The following CDC5L variants were observed in gnomAD, a reference collection of about 807,000 sequenced individuals.
The protein encoded by CDC5L is cell division cycle 5 like, also known as cell division cycle 5-like protein.
In CDC5L, 18 loss-of-function variants were observed where a neutral mutation model predicts 104.1. The observed-to-expected ratio is 0.17, with a 90% CI of 0.12 to 0.26. The LOEUF is 0.26. Among genes scored for constraint, CDC5L ranks in the 10% least tolerant of loss-of-function variants. CDC5L has a pLI of 1.00. For synonymous variants in CDC5L, 331 were observed against 322.7 expected (o/e 1.03, Z -0.28); for missense variants, 673 against 956.9 (o/e 0.70, Z 3.91).
intron 1 of CDC5L, among the ~76,000 whole-genome samples, chr6:44,388,555 G>A (rs9462985): frequency 0.74 from 109,701 of 148,924 alleles, 41,547 homozygotes; most frequent in Non-Finnish European, 0.87. Flanking sequence ...TAGAGTGGGA[G>A]TGAAATAGAA....
chr6:44,396,224 T>A, intron 4 of CDC5L, 117 bp from the exon 5 acceptor site: 1 of 578,942 alleles, frequency 1.7e-6, no homozygotes. Flanking sequence ...CACCATAAAA[T>A]CAGTATTTTT....
At chr6:44,387,939 T>A in intron 1 of CDC5L, 71 bp downstream of exon 1, 1 of 1,457,770 alleles carries the variant, frequency 6.9e-7, no homozygotes, top group Non-Finnish European at 9.3e-7. Context: ...CGCGCGGAGG[T>A]CGGGGGGGCG....
At chr6:44,406,147 C>T (rs1791355461) in intron 6 of CDC5L, among the ~76,000 whole-genome samples, 176 bp from the exon 7 acceptor site, 1 of 152,118 alleles carries the variant, frequency 6.6e-6, no homozygotes, top group South Asian at 2.1e-4. Context: ...GGTAATCCAC[C>T]CACCTTGGCC....
Position 44,408,389 on chromosome 6 carries a change from A to G in CDC5L, c.904-55A>G, listed in dbSNP as rs1279607260. ...AGTGTTGGGATTACAAGTGTGAGCC[A>G]CTGTGCCCGGCCTCAGTTAAAATGT... On this transcript the variant is annotated intron_variant, in intron 7 of 15. Coordinates refer to ENST00000371477, the MANE Select transcript of CDC5L (RefSeq NM_001253.4). 20 of 1,396,188 alleles carry G rather than the reference A, an allele frequency of 1.4e-5. No individual in the cohort carries two copies. In the East Asian group the frequency reaches 4.6e-4, roughly 32 times the overall value. The allele number at this position is 1,396,188 out of a possible 1,614,324, so 86.5% of individuals were successfully genotyped here.
At chr6:44,423,408 A>G (rs1204911071) in intron 10 of CDC5L, among the ~76,000 whole-genome samples, 4 of 152,228 alleles carry the variant, frequency 2.6e-5, no homozygotes, top group African/African-American at 9.6e-5. Context: ...CCTTTGTCCT[A>G]AGGAAATTTA....
At chr6:44,403,043 A>G (rs1008853787) in intron 5 of CDC5L, among the ~76,000 whole-genome samples, 1 of 152,232 alleles carries the variant, frequency 6.6e-6, no homozygotes, top group Non-Finnish European at 1.5e-5. Context: ...TGCTCAAAAA[A>G]TATGAAAATC....
At chr6:44,411,653 T>TGTGTGTGTGTGTGTGTGA (rs1176515142) in intron 8 of CDC5L, among the ~76,000 whole-genome samples, 2 of 136,120 alleles carry the variant, frequency 1.5e-5, no homozygotes, top group Non-Finnish European at 3.2e-5. Flanking sequence ...TGTGTGTGTG[T>TGTGTGTGTGTGTGTGTGA]GACTAAAAAT....
Position 44,422,665 on chromosome 6 carries a change from T to C in CDC5L, c.1260T>C (p.Ala420=), listed in dbSNP as rs772301171. Reference sequence around the variant, plus strand: ...TTTCTAGGACTCCTTCTAATGGAGCTGAAGGGCTGACTCCCCGGAGTGGAA... The same window carrying C: ...TTTCTAGGACTCCTTCTAATGGAGCCGAAGGGCTGACTCCCCGGAGTGGAA... The part of the protein sequence containing the change: ...STPFRTPSNG[A]EGLTPRSGTT... Residue 420 remains alanine, a synonymous_variant, in exon 10 of 16, where the codon GCT becomes GCC. Coordinates refer to ENST00000371477, the MANE Select transcript of CDC5L (RefSeq NM_001253.4). 2.5e-6 allele frequency: 4 copies of C among 1,610,286 alleles called. No homozygotes were observed. The highest frequency in any genetic ancestry group is 1.3e-5 in the African/African-American group (1 of 74,650).
At chr6:44,414,384 GTGT>G (rs1791810660) in intron 8 of CDC5L, among the ~76,000 whole-genome samples, 7 of 2,952 alleles carry the variant, frequency 2.4e-3, no homozygotes, top group Admixed American at 4.3e-3. Flanking sequence ...GGCCTGGCCT[GTGT>G]GTGTGTGTGT....
At position 44,422,781 on chromosome 6, in the gene CDC5L, A is replaced by G. The variant is rs11572006; in HGVS notation, c.1376A>G (p.Tyr459Cys). ...AATCCCGAGGATGGAATGGCAGACTATAGTGATCCCTCTTACGTGAAGCAG... is the reference window on the plus strand; with the variant it reads ...AATCCCGAGGATGGAATGGCAGACTGTAGTGATCCCTCTTACGTGAAGCAG... ...NINPEDGMAD[Y>C]SDPSYVKQME... The change falls in exon 10 of 16, where the codon TAT (tyrosine) becomes TGT (cysteine). Residue 459 changes from tyrosine (Y) to cysteine (C), a missense_variant. Tyr to Cys is a radical substitution (Grantham distance 194). Coordinates refer to ENST00000371477, the MANE Select transcript of CDC5L (RefSeq NM_001253.4). The G allele has an allele frequency of 6.1e-4, 979 of 1,612,546 alleles. 5 individuals are homozygous for G. In the African/African-American group the frequency reaches 0.012, roughly 20 times the overall value.
intron 14 of CDC5L, chr6:44,435,509 G>A (rs1792891787): frequency 6.6e-6 from 1 of 152,594 alleles, no homozygotes; most frequent in Non-Finnish European, 1.5e-5. Flanking sequence ...GCTGTCTGGT[G>A]AAATTTAAGC....
At chr6:44,443,507 T>G (rs1793308268) in intron 14 of CDC5L, among the ~76,000 whole-genome samples, 1 of 151,878 alleles carries the variant, frequency 6.6e-6, no homozygotes, top group African/African-American at 2.4e-5. Flanking sequence ...GTCCCATAAG[T>G]CTCTTAAGTC....
chr6:44,430,870 T>C (rs1212833149), intron 14 of CDC5L, among the ~76,000 whole-genome samples: 1 of 152,050 alleles, frequency 6.6e-6, no homozygotes, highest in Non-Finnish European at 1.5e-5. Flanking sequence ...CATGCCCGGC[T>C]ATGCCTTGTG....
chr6:44,449,861 G>A lies in CDC5L; in HGVS notation c.*3150G>A, dbSNP rs1451658831. On this transcript the variant is annotated 3_prime_UTR_variant, in exon 16 of 16. Coordinates refer to ENST00000371477, the MANE Select transcript of CDC5L (RefSeq NM_001253.4). ...AGTGAGATTGGTCTTTTGGGCTATT[G>A]TACTTTTTTTTTTTTTTTTTTGAGA... The A allele has an allele frequency of 6.8e-6, 1 of 146,534 alleles. No homozygotes were observed. The highest frequency in any genetic ancestry group is 1.5e-5 in the Non-Finnish European group (1 of 66,770). 9.1% of individuals were successfully genotyped at this position (146,534 alleles called of 1,614,324 possible).
At position 44,412,785 on chromosome 6, in the gene CDC5L, T is replaced by C. The variant is rs1361647688; in HGVS notation, c.1092+4153T>C. On this transcript the variant is annotated intron_variant, in intron 8 of 15. Transcript: ENST00000371477. Reference sequence around the variant, plus strand: ...CAGTCAATTTTAGAATAATTTCTTTTTTTTTTTTTTTTTTTGAGACGGAGT... The same window carrying C: ...CAGTCAATTTTAGAATAATTTCTTTCTTTTTTTTTTTTTTTGAGACGGAGT... Among the ~76,000 whole-genome samples the C allele has an allele frequency of 5.1e-5, 7 of 138,458 alleles. No individual in the cohort carries two copies. In the South Asian group the frequency reaches 1.7e-3, roughly 34 times the overall value. 90.8% of individuals were successfully genotyped at this position (138,458 alleles called of 152,430 possible).
intron 14 of CDC5L, among the ~76,000 whole-genome samples, chr6:44,440,617 A>G (rs566773985): frequency 6.6e-6 from 1 of 152,224 alleles, no homozygotes; most frequent in South Asian, 2.1e-4. Flanking sequence ...GATTTTTTCC[A>G]TACACATATG....
intron 4 of CDC5L, 117 bp downstream of exon 4, chr6:44,393,690 G>A (rs1583106340): frequency 9.6e-7 from 1 of 1,043,550 alleles, no homozygotes; most frequent in Non-Finnish European, 1.3e-6. Flanking sequence ...TTTGAGACAA[G>A]GTCTTGCTCT....
At chr6:44,413,028 C>T (rs539366446) in intron 8 of CDC5L, among the ~76,000 whole-genome samples, 11 of 151,890 alleles carry the variant, frequency 7.2e-5, no homozygotes, top group East Asian at 3.9e-4. Flanking sequence ...GTGATCCGCC[C>T]GCCTCGGCCT....
chr6:44,393,298 G>A lies in CDC5L; in HGVS notation c.312-148G>A, dbSNP rs7742818. 5.3e-6 allele frequency: 3 copies of A among 564,362 alleles called. No homozygotes were observed. In the South Asian group the frequency reaches 8.6e-5, roughly 16 times the overall value. 35.0% of individuals were successfully genotyped at this position (564,362 alleles called of 1,614,324 possible). A position where few individuals can be genotyped will look rare whatever the true frequency, so the allele number is the denominator to read the frequency against. On this transcript the variant is annotated intron_variant, in intron 3 of 15. Transcript: ENST00000371477. ...GCAAATTTTAATATCATTTCTTTCA[G>A]ATGAAGTGATAGTAAAAAGGCTTTA... is the stretch of plus-strand genomic sequence containing the variant.
Sources: gnomAD v4.1 joint callset for allele counts (sites outside exome capture counted in the v4.1 genomes callset) on GRCh38, gnomAD v4.1.1 for gene constraint, MANE v1.5 for transcripts, NCBI Gene and HGNC (gene_info 2026-07-23, HGNC 2026-07-21) for gene names.